Variants in NEXN observed in about 807,000 individuals in gnomAD.
NEXN encodes nexilin.
A neutral mutation model predicts 92.6 loss-of-function variants in NEXN; 65 were observed. The ratio of observed to expected loss-of-function variants is 0.70; its 90% CI spans 0.57 to 0.86. The LOEUF (loss-of-function observed/expected upper bound fraction) is 0.86, where lower values mean the gene tolerates loss of function less well. NEXN is among the 40% of genes least tolerant of loss of function. The pLI is 0.00. For synonymous variants in NEXN, 254 were observed against 242.5 expected, an observed-to-expected ratio of 1.05 and a Z score of -0.44; for missense variants, 778 against 771.1, an observed-to-expected ratio of 1.01 and a Z score of -0.11.
chr1:77,935,943 T>C lies in NEXN; in HGVS notation c.1372T>C (p.Leu458=), dbSNP rs1356476468. 6.2e-7 allele frequency: 1 copy of C among 1,613,934 alleles called. No individual in the cohort carries two copies. Among genetic ancestry groups the C allele is most frequent in the East Asian group, 2.2e-5 (1 of 44,860 alleles). The change falls in exon 11 of 13, where the codon TTG becomes CTG. Residue 458 remains leucine, a synonymous_variant. Coordinates refer to ENST00000334785, the MANE Select transcript of NEXN (RefSeq NM_144573.4). ...LKSKFEKIGQ[L]SEKEIQKKIE... Reference sequence around the variant, plus strand: ...AAGCAAGTTTGAAAAAATTGGACAGTTGTCTGAAAAAGAAATACAGAAAAA... The same window carrying C: ...AAGCAAGTTTGAAAAAATTGGACAGCTGTCTGAAAAAGAAATACAGAAAAA...
At chr1:77,922,801 TAGCC>T in intron 5 of NEXN, among the ~76,000 whole-genome samples, 1 of 151,494 alleles carries the variant, frequency 6.6e-6, no homozygotes, top group East Asian at 2.0e-4. Flanking sequence ...TTCACCATGT[TAGCC>T]AGGACAGTCT....
In NEXN at chr1:77,929,475, A is replaced by G. The variant is rs1367536601; in HGVS notation, c.1024A>G (p.Lys342Glu). The G allele has an allele frequency of 1.9e-6, 3 of 1,613,074 alleles. No homozygotes were observed. Among genetic ancestry groups the G allele is most frequent in the Non-Finnish European group, 2.5e-6 (3 of 1,179,846 alleles). Residue 342 changes from lysine (K) to glutamate (E), a missense_variant, in exon 9 of 13, where the codon AAG becomes GAG. Transcript: ENST00000334785. ...CAGAAGGAGAATAGAGGAAGAAAAG[A>G]AGGCGTTTGCTGAAGCAAGGAGAAA... Reference protein sequence around the residue: ...EARRRIEEEKKAFAEARRNMV... With the variant: ...EARRRIEEEKEAFAEARRNMV...
At chr1:77,904,816 A>G (rs1323417780) in intron 1 of NEXN, among the ~76,000 whole-genome samples, 1 of 152,246 alleles carries the variant, frequency 6.6e-6, no homozygotes, top group Non-Finnish European at 1.5e-5. Context: ...CAAATAGCAA[A>G]TCAGGCTGGA....
chr1:77,920,421 G>A (rs966774120), intron 5 of NEXN, among the ~76,000 whole-genome samples: 1 of 151,928 alleles, frequency 6.6e-6, no homozygotes, highest in African/African-American at 2.4e-5. Context: ...TGAATGACTT[G>A]GTGACCTACA....
At chr1:77,937,689 AAAAAAAT>A (rs1553240980) in intron 11 of NEXN, among the ~76,000 whole-genome samples, 1 of 149,616 alleles carries the variant, frequency 6.7e-6, no homozygotes, top group Non-Finnish European at 1.5e-5. Context: ...TCTCCATCTC[AAAAAAAT>A]AAAAAATAAA....
chr1:77,928,096 C>T (rs1375303230), intron 8 of NEXN, among the ~76,000 whole-genome samples: 1 of 151,872 alleles, frequency 6.6e-6, no homozygotes, highest in African/African-American at 2.4e-5. Context: ...ATCCCTTGAG[C>T]CCAGGAGTTT....
At chr1:77,938,350 T>G (rs1488260873) in intron 11 of NEXN, among the ~76,000 whole-genome samples, 1 of 152,114 alleles carries the variant, frequency 6.6e-6, no homozygotes, top group Non-Finnish European at 1.5e-5. Context: ...ATAATAAGCA[T>G]TTAAGAAGTT....
Position 77,935,805 on chromosome 1 carries a change from TA to T in NEXN, c.1252-17del. 6.2e-7 allele frequency: 1 copy of T among 1,603,446 alleles called. No individual in the cohort carries two copies. Reference sequence around the variant, plus strand: ...CTCTCAAAAACAGCAGCAACAAACTTATTAATTTTTTTTGAAGGAAGAGGAA... The same window carrying T: ...CTCTCAAAAACAGCAGCAACAAACTTTTAATTTTTTTTGAAGGAAGAGGAA... On this transcript the variant is annotated splice_polypyrimidine_tract_variant and intron_variant, in intron 10 of 12. Coordinates refer to ENST00000334785, the MANE Select transcript of NEXN (RefSeq NM_144573.4).
chr1:77,901,249 T>C (rs1254312828), intron 1 of NEXN, among the ~76,000 whole-genome samples: 1 of 152,156 alleles, frequency 6.6e-6, no homozygotes, highest in Middle Eastern at 3.2e-3. Flanking sequence ...TCACCGTAGT[T>C]TGAATGCAGA....
At chr1:77,938,155 C>G (rs762744951) in intron 11 of NEXN, among the ~76,000 whole-genome samples, 64 of 152,156 alleles carry the variant, frequency 4.2e-4, no homozygotes, top group Non-Finnish European at 9.0e-4. Context: ...TGCTGTGAAA[C>G]ATCAACCAAT....
chr1:77,895,080 T>G (rs534597329), intron 1 of NEXN, among the ~76,000 whole-genome samples: 124 of 141,480 alleles, frequency 8.8e-4, no homozygotes, highest in Non-Finnish European at 1.4e-3. Context: ...AGTCTCATTC[T>G]GTTGCCTAGG....
At chr1:77,916,166 A>G (rs1648960750) in intron 2 of NEXN, 33 bp downstream of exon 2, 2 of 1,542,362 alleles carry the variant, frequency 1.3e-6, no homozygotes, top group Non-Finnish European at 1.8e-6. Context: ...AAAATAAAAG[A>G]GGGAAATGTA....
At chr1:77,922,971 C>T (rs1346426758) in intron 5 of NEXN, among the ~76,000 whole-genome samples, 1 of 147,724 alleles carries the variant, frequency 6.8e-6, no homozygotes, top group African/African-American at 2.5e-5. Context: ...AAACTTTGCT[C>T]AGAATAATTT....
intron 1 of NEXN, among the ~76,000 whole-genome samples, chr1:77,911,794 A>G (rs1294092572): frequency 6.6e-6 from 1 of 151,020 alleles, no homozygotes; most frequent in African/African-American, 2.4e-5. Flanking sequence ...AAAGATCTGA[A>G]ATCTGAGGCC....
intron 1 of NEXN, among the ~76,000 whole-genome samples, chr1:77,907,385 CAT>C (rs1648196490): frequency 6.6e-6 from 1 of 152,188 alleles, no homozygotes; most frequent in Non-Finnish European, 1.5e-5. Flanking sequence ...TTTTCTCCAA[CAT>C]AAAAATATTT....
chr1:77,908,860 C>T (rs2102067302), intron 1 of NEXN, among the ~76,000 whole-genome samples: 1 of 152,208 alleles, frequency 6.6e-6, no homozygotes, highest in African/African-American at 2.4e-5. Flanking sequence ...ATGCTCTCAG[C>T]TAATCCTAAC....
At chr1:77,905,545 A>AG (rs1648051011) in intron 1 of NEXN, among the ~76,000 whole-genome samples, 1 of 151,318 alleles carries the variant, frequency 6.6e-6, no homozygotes, top group Non-Finnish European at 1.5e-5. Context: ...TTCAAAACTT[A>AG]GCTGGGTATG....
At chr1:77,896,190 A>AAATAAATAAATAAATAAATG (rs1647245811) in intron 1 of NEXN, among the ~76,000 whole-genome samples, 1 of 151,834 alleles carries the variant, frequency 6.6e-6, no homozygotes, top group African/African-American at 2.4e-5. Flanking sequence ...ATAAATAAAT[A>AAATAAATAAATAAATAAATG]AATAAATAAG....
chr1:77,903,432 G>A (rs1647873842), intron 1 of NEXN, among the ~76,000 whole-genome samples: 1 of 152,042 alleles, frequency 6.6e-6, no homozygotes, highest in Non-Finnish European at 1.5e-5. Flanking sequence ...TTGGATTCCG[G>A]CACCTATTGA....
Sources: gnomAD v4.1 joint callset for allele counts (sites outside exome capture counted in the v4.1 genomes callset) on GRCh38, gnomAD v4.1.1 for gene constraint, MANE v1.5 for transcripts, NCBI Gene and HGNC (gene_info 2026-07-23, HGNC 2026-07-21) for gene names.